LGSN: variants seen among roughly 807,000 people sequenced by gnomAD.
LGSN encodes lengsin.
A neutral mutation model predicts 19.5 loss-of-function variants in LGSN; 21 were observed. That is an observed-to-expected ratio of 1.07 (90% CI 0.76 to 1.55). The LOEUF is 1.55. Ranked by LOEUF, LGSN falls within the 40% of genes most tolerant of loss-of-function variation. The pLI is 0.00. For missense variants in LGSN, 673 were observed against 608.5 expected (o/e 1.11, Z -1.12); for synonymous variants, 257 against 215.6 (o/e 1.19, Z -1.68).
rs775032439 is a variant in LGSN at position 63,280,404 on chromosome 6, T to C, written c.1147A>G (p.Thr383Ala). The C allele has an allele frequency of 6.2e-7, 1 of 1,614,200 alleles. No homozygotes were observed. Among genetic ancestry groups the C allele is most frequent in the South Asian group, 1.1e-5 (1 of 91,086 alleles). ...RKDLKKSVPT[T>A]WGYNDNSCIF... ...CAGCTGTTGTCATTGTATCCCCATG[T>C]TGTAGGCACACTCTTCTTCAGGTCT... Residue 383 changes from threonine (T) to alanine (A), a missense_variant, in exon 4 of 4, where the codon ACA (threonine) becomes GCA (alanine). By Grantham distance (58) the Thr-to-Ala change is moderately conservative. Coordinates refer to ENST00000370657, the MANE Select transcript of LGSN (RefSeq NM_016571.3).
At chr6:63,534,007 C>T in the LGSN span, among the ~76,000 whole-genome samples, 1 of 151,890 alleles carries the variant, frequency 6.6e-6, no homozygotes, top group Admixed American at 6.6e-5. Flanking sequence ...CCATGCCTGG[C>T]TAATCTCTGT....
At chr6:63,424,995 T>C in the LGSN span, among the ~76,000 whole-genome samples, 1 of 152,138 alleles carries the variant, frequency 6.6e-6, no homozygotes, top group African/African-American at 2.4e-5. Flanking sequence ...TAAGACATTC[T>C]ACTGATGGCT....
the LGSN span, among the ~76,000 whole-genome samples, chr6:63,486,999 C>A: frequency 6.6e-6 from 1 of 151,920 alleles, no homozygotes; most frequent in Non-Finnish European, 1.5e-5. Flanking sequence ...CCACACCTGG[C>A]TAATTTTTGT....
At chr6:63,434,641 T>TC in the LGSN span, among the ~76,000 whole-genome samples, 4 of 144,892 alleles carry the variant, frequency 2.8e-5, no homozygotes, top group Non-Finnish European at 4.5e-5. Flanking sequence ...AAGAAAGAAG[T>TC]TATGACCTTT....
the LGSN span, chr6:63,549,555 C>A: frequency 3.3e-6 from 2 of 606,432 alleles, no homozygotes; most frequent in Non-Finnish European, 5.8e-6. Context: ...TAAATGTTGA[C>A]AAGATTTGAA....
At chr6:63,560,155 T>C in the LGSN span, among the ~76,000 whole-genome samples, 2 of 151,826 alleles carry the variant, frequency 1.3e-5, no homozygotes, top group African/African-American at 4.8e-5. Flanking sequence ...CTGGCAAACA[T>C]GGGGAAACCC....
chr6:63,442,013 G>A, the LGSN span: 483 of 168,986 alleles, frequency 2.9e-3, 1 homozygote, highest in African/African-American at 9.7e-3. Context: ...AGATGCGTCC[G>A]GAGTTTCTTC....
chr6:63,492,821 T>G, the LGSN span, among the ~76,000 whole-genome samples: 1 of 152,234 alleles, frequency 6.6e-6, no homozygotes, highest in Admixed American at 6.5e-5. Context: ...AAATCCAACT[T>G]TAAAATCACA....
chr6:63,549,255 T>C, the LGSN span: 1 of 748,398 alleles, frequency 1.3e-6, no homozygotes, highest in Admixed American at 1.7e-5. Flanking sequence ...GTCCAGGGCC[T>C]GGGTGAACTG....
the LGSN span, among the ~76,000 whole-genome samples, chr6:63,439,207 G>T: frequency 1.3e-5 from 2 of 152,224 alleles, no homozygotes; most frequent in African/African-American, 4.8e-5. Flanking sequence ...ACTGTTGTGG[G>T]GTGGGGGCAG....
At chr6:63,470,219 GCATT>G in the LGSN span, among the ~76,000 whole-genome samples, 1 of 151,854 alleles carries the variant, frequency 6.6e-6, no homozygotes. Context: ...TGTAATCCCA[GCATT>G]TTGGAAGGCC....
chr6:63,413,481 T>C, the LGSN span, among the ~76,000 whole-genome samples: 53 of 152,210 alleles, frequency 3.5e-4, no homozygotes, highest in Non-Finnish European at 3.4e-4. Flanking sequence ...GATTTGTGAC[T>C]GATGACATTG....
chr6:63,328,290 C>G, the LGSN span, among the ~76,000 whole-genome samples: 1 of 152,174 alleles, frequency 6.6e-6, no homozygotes, highest in Non-Finnish European at 1.5e-5. Flanking sequence ...TCTTGGGCGG[C>G]ATAAGTCTGG....
the LGSN span, among the ~76,000 whole-genome samples, chr6:63,511,914 TA>T: frequency 2.1e-4 from 32 of 152,036 alleles, 1 homozygote; most frequent in Admixed American, 1.2e-3. Flanking sequence ...TGCAAGTAAT[TA>T]AAAAAATTAA....
At chr6:63,378,184 C>T in the LGSN span, among the ~76,000 whole-genome samples, 13 of 152,166 alleles carry the variant, frequency 8.5e-5, no homozygotes, top group Admixed American at 2.6e-4. Context: ...TGAACACAAA[C>T]GCTTAGGGAT....
the LGSN span, among the ~76,000 whole-genome samples, chr6:63,466,654 G>A: frequency 6.6e-6 from 1 of 152,158 alleles, no homozygotes; most frequent in African/African-American, 2.4e-5. Context: ...TTGACAGAGT[G>A]GAAATTGGAG....
the LGSN span, among the ~76,000 whole-genome samples, chr6:63,358,036 C>T: frequency 6.6e-6 from 1 of 152,128 alleles, no homozygotes; most frequent in African/African-American, 2.4e-5. Context: ...GATCCAGTTT[C>T]AGCTTTCTAC....
At chr6:63,321,415 T>C (rs77854081), upstream of LGSN, among the ~76,000 whole-genome samples, 5,044 of 152,296 alleles carry the variant, frequency 0.033, 285 homozygotes, top group African/African-American at 0.12. Flanking sequence ...TATTGGGACA[T>C]GTTTTAAAAA....
chr6:63,556,569 C>T, the LGSN span, among the ~76,000 whole-genome samples: 1 of 152,138 alleles, frequency 6.6e-6, no homozygotes, highest in Non-Finnish European at 1.5e-5. Context: ...CTGTATGCCT[C>T]ATAATGCATA....
Sources: allele counts gnomAD v4.1 joint callset (sites outside exome capture counted in the v4.1 genomes callset), GRCh38; gene constraint gnomAD v4.1.1; transcripts MANE v1.5; gene names NCBI Gene and HGNC (gene_info 2026-07-23, HGNC 2026-07-21).